SYNGR1: variants seen among roughly 807,000 people sequenced by gnomAD.
SYNGR1 encodes the protein synaptogyrin 1, also known as synaptogyrin-1.
A neutral mutation model predicts 26.1 loss-of-function variants in SYNGR1; 14 were observed. The ratio of observed to expected loss-of-function variants is 0.54; its 90% CI spans 0.35 to 0.84. The LOEUF is 0.84. Ranked by LOEUF, SYNGR1 falls within the 40% of genes least tolerant of loss-of-function variation. SYNGR1 has a pLI of 0.01. For synonymous variants in SYNGR1, 141 were observed against 150.1 expected (o/e 0.94, Z 0.44); for missense variants, 319 against 332.9 (o/e 0.96, Z 0.33).
At chr22:39,355,905 G>C (rs1924122913) in intron 1 of SYNGR1, among the ~76,000 whole-genome samples, 1 of 152,170 alleles carries the variant, frequency 6.6e-6, no homozygotes, top group African/African-American at 2.4e-5. Context: ...TGTAGTCCCA[G>C]CTACTTGGGA....
At chr22:39,364,271 G>A in intron 1 of SYNGR1, 1 of 1,614,104 alleles carries the variant, frequency 6.2e-7, no homozygotes. Context: ...TCGTGGGTGA[G>A]CTGGAGGAGC....
rs530522137 is a variant in SYNGR1 at position 39,350,018 on chromosome 22, G to C, written c.8G>C (p.Gly3Ala). ME[G>A]GAYGAGKAGG... Reference sequence around the variant, plus strand: ...CGCGCGGGTGCAGCCACGATGGAAGGGGGTGCGTACGGAGCGGGCAAAGCC... The same window carrying C: ...CGCGCGGGTGCAGCCACGATGGAAGCGGGTGCGTACGGAGCGGGCAAAGCC... The change falls in exon 1 of 4, where the codon GGG (glycine) becomes GCG (alanine). Residue 3 changes from glycine to alanine, a missense_variant. Gly to Ala is a moderately conservative substitution (Grantham distance 60). Transcript: ENST00000328933. The surrounding 1 kb of genome is among the most constrained non-coding windows in gnomAD (Gnocchi z 4.3). 28 of 1,346,570 alleles carry C rather than the reference G, an allele frequency of 2.1e-5. No individual in the cohort carries two copies. Among genetic ancestry groups the C allele is most frequent in the Non-Finnish European group, 2.4e-5 (25 of 1,029,040 alleles). 83.4% of individuals were successfully genotyped at this position (1,346,570 alleles called of 1,614,324 possible).
At chr22:39,376,358 C>A in intron 3 of SYNGR1, 161 bp downstream of exon 3, 1 of 1,265,834 alleles carries the variant, frequency 7.9e-7, no homozygotes, top group Non-Finnish European at 1.1e-6. Flanking sequence ...CACAGTGGTG[C>A]TGCCTCCCTC....
In SYNGR1 at chr22:39,384,560, C is replaced by T. The variant is rs1925599026; in HGVS notation, c.*2646C>T. On this transcript the variant is annotated 3_prime_UTR_variant, in exon 4 of 4. Transcript: ENST00000328933. ...TGGATGGGACCCAGGGCTCCTGACT[C>T]TGCCCTGGAAGGTTCATGGGGAAAC... is the stretch of plus-strand genomic sequence containing the variant. 7.5e-6 allele frequency: 3 copies of T among 398,754 alleles called. No homozygotes were observed. Among genetic ancestry groups the T allele is most frequent in the South Asian group, 1.3e-4 (1 of 7,854 alleles). 24.7% of individuals were successfully genotyped at this position (398,754 alleles called of 1,614,324 possible). A position where few individuals can be genotyped will look rare whatever the true frequency, so the allele number is the denominator to read the frequency against.
rs1468332715 is a variant in SYNGR1 at position 39,359,623 on chromosome 22, T to A, written c.99+9514T>A. 1.2e-4 allele frequency among the ~76,000 whole-genome samples: 11 copies of A among 91,366 alleles called. No individual in the cohort carries two copies. The Admixed American group carries it at 1.3e-3, about 11-fold the overall frequency. The allele number at this position is 91,366 out of a possible 152,430, so 59.9% of individuals were successfully genotyped here. On this transcript the variant is annotated intron_variant, in intron 1 of 3. Transcript: ENST00000328933. ...TCCAGCCTGGGCAACAAAGTGAGACTCTGTCTCAAAAAAAAAAAAAAAAAA... is the reference window on the plus strand; with the variant it reads ...TCCAGCCTGGGCAACAAAGTGAGACACTGTCTCAAAAAAAAAAAAAAAAAA...
intron 1 of SYNGR1, among the ~76,000 whole-genome samples, chr22:39,359,217 T>C (rs961684240): frequency 1.3e-5 from 2 of 151,962 alleles, no homozygotes; most frequent in African/African-American, 4.8e-5. Context: ...TTCTGGTTCC[T>C]GAGGCCACTT....
At chr22:39,353,617 T>G (rs1336860404) in intron 1 of SYNGR1, among the ~76,000 whole-genome samples, 1 of 152,202 alleles carries the variant, frequency 6.6e-6, no homozygotes, top group African/African-American at 2.4e-5. Flanking sequence ...CCTCTGTGCC[T>G]CAGTCTTCCC....
rs899274016 is a variant in SYNGR1 at position 39,382,122 on chromosome 22, G to T, written c.*208G>T. ...AAGTATATCCCAGGGCATGTGCCCCGCAGGGGCCTAGAGGGTGGGGGCCAG... is the reference window on the plus strand; with the variant it reads ...AAGTATATCCCAGGGCATGTGCCCCTCAGGGGCCTAGAGGGTGGGGGCCAG... On this transcript the variant is annotated 3_prime_UTR_variant, in exon 4 of 4. Transcript: ENST00000328933. 2 of 626,952 alleles carry T rather than the reference G, an allele frequency of 3.2e-6. No homozygotes were observed. The highest frequency in any genetic ancestry group is 1.8e-5 in the African/African-American group (1 of 54,738). 38.8% of individuals were successfully genotyped at this position (626,952 alleles called of 1,614,324 possible). A position where few individuals can be genotyped will look rare whatever the true frequency, so the allele number is the denominator to read the frequency against.
intron 3 of SYNGR1, chr22:39,378,471 G>C: frequency 1.0e-6 from 1 of 985,098 alleles, no homozygotes; most frequent in Non-Finnish European, 1.2e-6. Flanking sequence ...ATGAATCCTT[G>C]TTCCTCCAAA....
intron 1 of SYNGR1, among the ~76,000 whole-genome samples, chr22:39,360,308 C>T (rs1924410740): frequency 6.6e-6 from 1 of 152,180 alleles, no homozygotes; most frequent in South Asian, 2.1e-4. Context: ...GCGTGATTCC[C>T]CATCTCAGGA....
chr22:39,358,887 C>A (rs1306657719), intron 1 of SYNGR1, among the ~76,000 whole-genome samples: 1 of 152,254 alleles, frequency 6.6e-6, no homozygotes, highest in East Asian at 1.9e-4. Context: ...TTTTGCTCAT[C>A]TCCCCGCTGC....
At chr22:39,375,830 C>A in intron 2 of SYNGR1, 1 of 660,878 alleles carries the variant, frequency 1.5e-6, no homozygotes, top group Non-Finnish European at 2.8e-6. Context: ...TCTGTGGCCT[C>A]CTCCCCCCTG....
At chr22:39,363,509 G>A (rs908378406) in intron 1 of SYNGR1, among the ~76,000 whole-genome samples, 2 of 152,042 alleles carry the variant, frequency 1.3e-5, no homozygotes, top group Non-Finnish European at 2.9e-5. Context: ...CCCAGGACTG[G>A]GGCCCAGCAG....
At chr22:39,381,631 T>C (rs1005222601) in intron 3 of SYNGR1, 65 bp from the exon 4 acceptor site, 100 of 1,560,942 alleles carry the variant, frequency 6.4e-5, no homozygotes, top group Non-Finnish European at 8.1e-5. Flanking sequence ...CCCAGTGCTC[T>C]TGTCTGTCTC....
At chr22:39,357,333 C>T (rs1924188334) in intron 1 of SYNGR1, among the ~76,000 whole-genome samples, 1 of 152,164 alleles carries the variant, frequency 6.6e-6, no homozygotes, top group South Asian at 2.1e-4. Context: ...AGAGGGGGCA[C>T]TGGGCCCCAG....
At chr22:39,367,988 C>T (rs1924845377) in intron 1 of SYNGR1, among the ~76,000 whole-genome samples, 1 of 152,186 alleles carries the variant, frequency 6.6e-6, no homozygotes, top group Non-Finnish European at 1.5e-5. Context: ...CTTTCTGTTC[C>T]TGTGCCTGGA....
At chr22:39,361,903 T>TG (rs1016231599) in intron 1 of SYNGR1, among the ~76,000 whole-genome samples, 3 of 151,802 alleles carry the variant, frequency 2.0e-5, no homozygotes, top group Non-Finnish European at 2.9e-5. Context: ...AAGAAGGCCC[T>TG]GGGGGGGTAC....
intron 2 of SYNGR1, chr22:39,375,065 G>C: frequency 5.4e-6 from 1 of 185,860 alleles, no homozygotes; most frequent in South Asian, 1.1e-4. Context: ...TTTGGCAGAG[G>C]CACCCTGACC....
At position 39,385,157 on chromosome 22, in the gene SYNGR1, A is replaced by G. The variant is rs1925620827; in HGVS notation, c.*3243A>G. The G allele has an allele frequency of 5.0e-6, 2 of 396,802 alleles. No homozygotes were observed. The highest frequency in any genetic ancestry group is 8.9e-6 in the Non-Finnish European group (2 of 225,120). The allele number at this position is 396,802 out of a possible 1,614,324, so 24.6% of individuals were successfully genotyped here. ...AGACCCCTTTGATTCTCTAAGGAGC[A>G]CGAAAGGGGGAATGCCCCTCCCAGG... is the stretch of plus-strand genomic sequence containing the variant. On this transcript the variant is annotated 3_prime_UTR_variant, in exon 4 of 4. Coordinates refer to ENST00000328933, the MANE Select transcript of SYNGR1 (RefSeq NM_004711.5).
Sources: gnomAD v4.1 joint callset for allele counts (sites outside exome capture counted in the v4.1 genomes callset) on GRCh38, gnomAD v4.1.1 for gene constraint, Gnocchi (gnomAD v3.1) non-coding constraint, MANE v1.5 for transcripts, NCBI Gene and HGNC (gene_info 2026-07-23, HGNC 2026-07-21) for gene names.